Variants in ATF7 observed in about 807,000 individuals in gnomAD.
The protein encoded by ATF7 is cyclic AMP-dependent transcription factor ATF-7.
Under a neutral mutation model 50.4 loss-of-function variants are expected in ATF7, and 10 were observed. The ratio of observed to expected loss-of-function variants is 0.20; its 90% CI spans 0.12 to 0.34. The LOEUF is 0.34. Among genes scored for constraint, ATF7 ranks in the 10% least tolerant of loss-of-function variants. The probability of loss-of-function intolerance (pLI) is 1.00; values close to 1 mark genes in which losing one functional copy is unlikely to be tolerated. For missense variants in ATF7, 465 were observed against 613.9 expected, an observed-to-expected ratio of 0.76 and a Z score of 2.56; for synonymous variants, 201 against 226.4, an observed-to-expected ratio of 0.89 and a Z score of 1.01.
intron 2 of ATF7, 101 bp downstream of exon 2, chr12:53,600,852 T>A: frequency 8.6e-7 from 1 of 1,158,572 alleles, no homozygotes; most frequent in Non-Finnish European, 1.3e-6. Context: ...TTACCTCCAG[T>A]GATCACGTAA....
At chr12:53,587,843 A>ATATATATATATATATAGATATATATAT in intron 2 of ATF7, among the ~76,000 whole-genome samples, 1 of 61,568 alleles carries the variant, frequency 1.6e-5, no homozygotes, top group Non-Finnish European at 3.4e-5. Flanking sequence ...ATATATATAT[A>ATATATATATATATATAGATATATATAT]TTTTTTTTTT....
chr12:53,595,623 T>C (rs542129489), intron 2 of ATF7, among the ~76,000 whole-genome samples: 1 of 152,216 alleles, frequency 6.6e-6, no homozygotes. Flanking sequence ...ATAATGTTCA[T>C]GGAGGCAGAG....
chr12:53,532,630 C>T lies in ATF7; in HGVS notation c.661-7G>A, dbSNP rs374367060. 3.3e-5 allele frequency: 50 copies of T among 1,521,788 alleles called. No individual in the cohort carries two copies. The highest frequency in any genetic ancestry group is 5.9e-5 in the African/African-American group (4 of 68,114). 94.3% of individuals were successfully genotyped at this position (1,521,788 alleles called of 1,614,324 possible). A position where few individuals can be genotyped will look rare whatever the true frequency, so the allele number is the denominator to read the frequency against. On this transcript the variant is annotated splice_polypyrimidine_tract_variant and splice_region_variant and intron_variant, in intron 7 of 11. Transcript: ENST00000420353. The stretch of plus-strand genomic sequence containing the variant: ...TGGACACAGGTCTGGCCAGCTGGAT[C>T]GAGAGAAGGAAAAAAAAAAAAAGAG...
chr12:53,529,745 G>GTTT (rs1170251902), intron 9 of ATF7, among the ~76,000 whole-genome samples: 1 of 58,646 alleles, frequency 1.7e-5, no homozygotes, highest in South Asian at 6.6e-4. Flanking sequence ...ATATATATAT[G>GTTT]TTTTTTTTTT....
chr12:53,620,427 T>C (rs1450244854), intron 1 of ATF7, among the ~76,000 whole-genome samples: 2 of 150,776 alleles, frequency 1.3e-5, no homozygotes, highest in African/African-American at 4.9e-5. Context: ...ATACAAAAAA[T>C]TAGCCGGGCG....
At chr12:53,555,212 G>A (rs1387466420) in intron 2 of ATF7, among the ~76,000 whole-genome samples, 2 of 151,702 alleles carry the variant, frequency 1.3e-5, no homozygotes, top group African/African-American at 2.4e-5. Context: ...CTAGCTACTC[G>A]GGGGGCTGGG....
chr12:53,590,401 A>G (rs573707785), intron 2 of ATF7, among the ~76,000 whole-genome samples: 2 of 152,342 alleles, frequency 1.3e-5, no homozygotes, highest in South Asian at 4.1e-4. Context: ...TCAATCATAT[A>G]TAAGGCTGCC....
intron 5 of ATF7, among the ~76,000 whole-genome samples, chr12:53,535,341 A>AAAAAAAAAAAAAAAAAAAAG (rs1565929693): frequency 1.3e-5 from 2 of 151,698 alleles, no homozygotes; most frequent in African/African-American, 2.4e-5. Context: ...AAAAAAAAAA[A>AAAAAAAAAAAAAAAAAAAAG]AAAAGAAAAG....
chr12:53,528,722 C>T (rs536044089), intron 9 of ATF7, among the ~76,000 whole-genome samples: 6 of 151,968 alleles, frequency 3.9e-5, no homozygotes, highest in Admixed American at 3.9e-4. Flanking sequence ...GAGATCGTGC[C>T]ACTGCACTCT....
chr12:53,588,292 G>C (rs1942806693), intron 2 of ATF7, among the ~76,000 whole-genome samples: 1 of 152,172 alleles, frequency 6.6e-6, no homozygotes, highest in African/African-American at 2.4e-5. Context: ...GGAAAAAGCA[G>C]ATGTGTAGAG....
intron 10 of ATF7, 42 bp from the exon 11 acceptor site, chr12:53,523,426 C>A: frequency 7.0e-7 from 1 of 1,431,556 alleles, no homozygotes; most frequent in Non-Finnish European, 9.8e-7. Context: ...AAAATTCATC[C>A]TCTACTCTTG....
chr12:53,568,484 G>A (rs1330091060), intron 2 of ATF7, among the ~76,000 whole-genome samples: 1 of 152,028 alleles, frequency 6.6e-6, no homozygotes, highest in Non-Finnish European at 1.5e-5. Context: ...TTTTAAACAA[G>A]CTATCAAAGC....
intron 11 of ATF7, among the ~76,000 whole-genome samples, chr12:53,518,056 G>C (rs1024978152): frequency 4.0e-5 from 6 of 151,268 alleles, no homozygotes; most frequent in African/African-American, 1.5e-4. Flanking sequence ...GTAGAGATGG[G>C]GTTTTGCCAC....
chr12:53,582,931 C>T (rs1187015795), intron 2 of ATF7, among the ~76,000 whole-genome samples: 1 of 152,000 alleles, frequency 6.6e-6, no homozygotes, highest in Admixed American at 6.6e-5. Context: ...AGAAATAGAC[C>T]CACATAAATA....
Position 53,532,632 on chromosome 12 carries a change from AG to A in ATF7, c.661-10del, listed in dbSNP as rs1285574899. On this transcript the variant is annotated splice_polypyrimidine_tract_variant and intron_variant, in intron 7 of 11. Transcript: ENST00000420353. Reference sequence around the variant, plus strand: ...GACACAGGTCTGGCCAGCTGGATCGAGAGAAGGAAAAAAAAAAAAAGAGAAG... The same window carrying A: ...GACACAGGTCTGGCCAGCTGGATCGAAGAAGGAAAAAAAAAAAAAGAGAAG... The A allele has an allele frequency of 2.6e-6, 4 of 1,524,158 alleles. No individual in the cohort carries two copies. The highest frequency in any genetic ancestry group is 4.1e-5 in the Admixed American group (2 of 48,448). 94.4% of individuals were successfully genotyped at this position (1,524,158 alleles called of 1,614,324 possible).
chr12:53,543,176 C>G, intron 4 of ATF7, 154 bp downstream of exon 4: 1 of 1,529,492 alleles, frequency 6.5e-7, no homozygotes, highest in South Asian at 1.2e-5. Flanking sequence ...GAATGGCTGA[C>G]TGGGATTAGT....
Position 53,529,710 on chromosome 12 carries a change from T to TACACACACACACACACACAC in ATF7, c.927+2014_927+2033dup, listed in dbSNP as rs796404325. Among the ~76,000 whole-genome samples, 360 of 132,214 alleles carry TACACACACACACACACACAC rather than the reference T, an allele frequency of 2.7e-3. 2 individuals are homozygous for TACACACACACACACACACAC. The highest frequency in any genetic ancestry group is 5.9e-3 in the African/African-American group (199 of 33,832). The allele number at this position is 132,214 out of a possible 152,430, so 86.7% of individuals were successfully genotyped here. ...ATATAAATACATATATATATACACA[T>TACACACACACACACACACAC]ACACACACACACACACACACACACA... On this transcript the variant is annotated intron_variant, in intron 9 of 11. Coordinates refer to ENST00000420353, the MANE Select transcript of ATF7 (RefSeq NM_006856.3).
intron 5 of ATF7, among the ~76,000 whole-genome samples, chr12:53,535,775 C>T (rs964146334): frequency 1.3e-5 from 2 of 152,008 alleles, no homozygotes; most frequent in African/African-American, 4.8e-5. Context: ...GTTAGATGTC[C>T]AATTTATGAA....
At chr12:53,543,478 T>C in intron 3 of ATF7, 30 bp from the exon 4 acceptor site, 1 of 1,529,342 alleles carries the variant, frequency 6.5e-7, no homozygotes. Flanking sequence ...GGAAACTGTT[T>C]TAGTTTTGAT....
Sources: gnomAD v4.1 joint callset for allele counts (sites outside exome capture counted in the v4.1 genomes callset) on GRCh38, gnomAD v4.1.1 for gene constraint, MANE v1.5 for transcripts, NCBI Gene and HGNC (gene_info 2026-07-23, HGNC 2026-07-21) for gene names.